Variants in ROBO1 observed in about 807,000 individuals in gnomAD.
ROBO1 encodes the protein roundabout homolog 1.
ROBO1 carries 149 observed loss-of-function variants against 195.9 expected under a neutral mutation model. That is an observed-to-expected ratio of 0.76 (90% CI 0.67 to 0.87). The LOEUF is 0.87. Ranked by LOEUF, ROBO1 falls within the 40% of genes least tolerant of loss-of-function variation. The probability of loss-of-function intolerance (pLI) is 0.00; values close to 1 mark genes in which losing one functional copy is unlikely to be tolerated. For synonymous variants in ROBO1, 816 were observed against 733.2 expected (o/e 1.11, Z -1.82); for missense variants, 1,933 against 2,068.3 (o/e 0.93, Z 1.27).
intron 2 of ROBO1, among the ~76,000 whole-genome samples, chr3:79,326,256 A>C (rs895385554): frequency 7.2e-5 from 11 of 151,924 alleles, no homozygotes; most frequent in Non-Finnish European, 1.2e-4. Context: ...GTGATATTCT[A>C]TTACCTTGTG....
intron 1 of ROBO1, among the ~76,000 whole-genome samples, chr3:79,748,928 AG>A (rs2107464972): frequency 6.6e-6 from 1 of 152,298 alleles, no homozygotes; most frequent in East Asian, 1.9e-4. Context: ...ACAGTAAATG[AG>A]TACAGTGGGG....
At chr3:78,909,360 T>C (rs2038111839) in intron 4 of ROBO1, among the ~76,000 whole-genome samples, 1 of 151,876 alleles carries the variant, frequency 6.6e-6, no homozygotes. Context: ...AATTTTCCTA[T>C]TGTTTAGAAG....
chr3:79,019,065 G>C, intron 3 of ROBO1: 2 of 989,538 alleles, frequency 2.0e-6, no homozygotes, highest in Non-Finnish European at 2.4e-6. Flanking sequence ...GGGCGGTGCG[G>C]CGACAGCGGC....
In ROBO1 at chr3:79,083,239, G is replaced by C. The variant is rs74628088; in HGVS notation, c.172+42217C>G. Among the ~76,000 whole-genome samples the C allele has an allele frequency of 7.8e-3, 1,194 of 152,148 alleles. 8 individuals carry two copies. Among genetic ancestry groups the C allele is most frequent in the Non-Finnish European group, 0.012 (805 of 68,002 alleles). On this transcript the variant is annotated intron_variant, in intron 3 of 30. Transcript: ENST00000464233. ...ATATTTGCGAAGAGTTACCAGGAAA[G>C]AGTTGATAATGGACATGAAGAAAAA...
intron 2 of ROBO1, among the ~76,000 whole-genome samples, chr3:79,567,051 G>C (rs1334545397): frequency 1.3e-5 from 2 of 152,122 alleles, no homozygotes; most frequent in Non-Finnish European, 2.9e-5. Context: ...GGTATATCTA[G>C]ACCATGGAAT....
chr3:79,090,098 C>A (rs1009106136), intron 3 of ROBO1, among the ~76,000 whole-genome samples: 2 of 151,904 alleles, frequency 1.3e-5, no homozygotes, highest in Non-Finnish European at 2.9e-5. Flanking sequence ...CACCACCATG[C>A]CCAGCTAATT....
intron 5 of ROBO1, among the ~76,000 whole-genome samples, chr3:78,737,170 C>T (rs1420024561): frequency 6.6e-6 from 1 of 151,984 alleles, no homozygotes; most frequent in Admixed American, 6.6e-5. Flanking sequence ...TAATGTTCAC[C>T]CAAAATACCC....
At chr3:79,311,127 G>A (rs2109094409) in intron 2 of ROBO1, among the ~76,000 whole-genome samples, 1 of 152,000 alleles carries the variant, frequency 6.6e-6, no homozygotes, top group East Asian at 1.9e-4. Context: ...ATTAATACTG[G>A]GCATTGACAT....
chr3:79,507,589 A>G (rs1333973194), intron 2 of ROBO1, among the ~76,000 whole-genome samples: 3 of 152,194 alleles, frequency 2.0e-5, no homozygotes, highest in Non-Finnish European at 2.9e-5. Flanking sequence ...ATTGTTCATC[A>G]TAAAGAATAA....
chr3:79,388,402 C>T (rs2036832496), intron 2 of ROBO1, among the ~76,000 whole-genome samples: 1 of 151,914 alleles, frequency 6.6e-6, no homozygotes, highest in South Asian at 2.1e-4. Flanking sequence ...TAATCAGCAC[C>T]CCTGGGGATG....
intron 2 of ROBO1, among the ~76,000 whole-genome samples, chr3:79,182,105 C>T (rs1033747312): frequency 1.3e-5 from 2 of 151,924 alleles, no homozygotes; most frequent in African/African-American, 4.8e-5. Flanking sequence ...CTTTTTCCTT[C>T]TTCCATGTGG....
chr3:78,639,904 TA>T lies in ROBO1; in HGVS notation c.2883-7del, dbSNP rs369027577. On this transcript the variant is annotated splice_region_variant and splice_polypyrimidine_tract_variant and intron_variant, in intron 21 of 30. Transcript: ENST00000464233. Reference sequence around the variant, plus strand: ...TGATGTTGAGAAGTCCAGGCCTAAATAAAAAAAAAATATTAAAGCAAATGTT... The same window carrying T: ...TGATGTTGAGAAGTCCAGGCCTAAATAAAAAAAAATATTAAAGCAAATGTT... The T allele has an allele frequency of 3.6e-3, 4,845 of 1,358,670 alleles. No homozygotes were observed. The highest frequency in any genetic ancestry group is 7.2e-3 in the South Asian group (493 of 68,058). 84.2% of individuals were successfully genotyped at this position (1,358,670 alleles called of 1,614,324 possible). A position where few individuals can be genotyped will look rare whatever the true frequency, so the allele number is the denominator to read the frequency against.
chr3:79,319,077 A>G (rs2033864592), intron 2 of ROBO1, among the ~76,000 whole-genome samples: 3 of 152,168 alleles, frequency 2.0e-5, no homozygotes, highest in Admixed American at 2.0e-4. Flanking sequence ...CTCCTGAATA[A>G]TGTACATTGC....
Position 78,634,001 on chromosome 3 carries a change from TGTATGGGATA to T in ROBO1, c.3405_3414del (p.Ile1136ThrfsTer42). On this transcript the variant is annotated frameshift_variant, in exon 24 of 31. Transcript: ENST00000464233. LOFTEE classifies it high-confidence loss of function. ...CCTGTGTTCTGGTCGTATGATTGGTTGTATGGGATAGTTGGAGGAACTGTGTCATTTGCTC... is the reference window on the plus strand; with the variant it reads ...CCTGTGTTCTGGTCGTATGATTGGTTGTTGGAGGAACTGTGTCATTTGCTC... The T allele has an allele frequency of 6.2e-7, 1 of 1,612,414 alleles. No homozygotes were observed. Among genetic ancestry groups the T allele is most frequent in the Non-Finnish European group, 8.5e-7 (1 of 1,179,012 alleles).
chr3:79,343,898 T>A (rs746319041), intron 2 of ROBO1, among the ~76,000 whole-genome samples: 33 of 152,156 alleles, frequency 2.2e-4, no homozygotes, highest in Non-Finnish European at 4.6e-4. Context: ...TAAGACCTAG[T>A]TGTTTGTTTC....
chr3:78,692,944 G>A (rs1485395719), intron 8 of ROBO1: 2 of 160,418 alleles, frequency 1.2e-5, no homozygotes, highest in Non-Finnish European at 1.4e-5. Flanking sequence ...AAAACTCAGA[G>A]AGATATACAT....
chr3:79,059,490 A>G (rs2078874351), intron 3 of ROBO1, among the ~76,000 whole-genome samples: 1 of 152,062 alleles, frequency 6.6e-6, no homozygotes, highest in African/African-American at 2.4e-5. Context: ...GCCATAGCAC[A>G]TTTATATAAA....
In ROBO1 at chr3:79,395,742, T is replaced by A. The variant is rs2037131866; in HGVS notation, c.88+194082A>T. Reference sequence around the variant, plus strand: ...TTCATGACAGTATGTGTTTCCTAAATTATTTTTAAAAACTTTCATAAAGAC... The same window carrying A: ...TTCATGACAGTATGTGTTTCCTAAAATATTTTTAAAAACTTTCATAAAGAC... On this transcript the variant is annotated intron_variant, in intron 2 of 30. Transcript: ENST00000464233. Among the ~76,000 whole-genome samples, 3 of 152,108 alleles carry A rather than the reference T, an allele frequency of 2.0e-5. No individual in the cohort carries two copies. The South Asian group carries it at 6.2e-4, about 31-fold the overall frequency.
intron 25 of ROBO1, among the ~76,000 whole-genome samples, chr3:78,628,388 T>C (rs1368229980): frequency 6.6e-6 from 1 of 152,134 alleles, no homozygotes; most frequent in East Asian, 1.9e-4. Context: ...CAAAATGAAG[T>C]TGTTGGCTTG....
Sources: gnomAD v4.1 joint callset for allele counts (sites outside exome capture counted in the v4.1 genomes callset) on GRCh38, gnomAD v4.1.1 for gene constraint, MANE v1.5 for transcripts, NCBI Gene and HGNC (gene_info 2026-07-23, HGNC 2026-07-21) for gene names.